ARB2A: variants seen among roughly 807,000 people sequenced by gnomAD.
ARB2A encodes cotranscriptional regulator ARB2A.
chr5:93,851,388 G>C, the ARB2A span, among the ~76,000 whole-genome samples: 1 of 152,070 alleles, frequency 6.6e-6, no homozygotes, highest in Non-Finnish European at 1.5e-5. Context: ...AATTTTGTTG[G>C]TTGAAATTTC....
At chr5:93,674,553 A>C in the ARB2A span, among the ~76,000 whole-genome samples, 3 of 152,232 alleles carry the variant, frequency 2.0e-5, no homozygotes, top group Admixed American at 2.0e-4. Context: ...ATATGTTCTC[A>C]CTTGTCCATG....
the ARB2A span, among the ~76,000 whole-genome samples, chr5:93,766,570 AAC>A: frequency 6.6e-6 from 1 of 152,160 alleles, no homozygotes; most frequent in Non-Finnish European, 1.5e-5. Flanking sequence ...GAGAAATAGG[AAC>A]ACTTTTACAC....
the ARB2A span, among the ~76,000 whole-genome samples, chr5:93,646,688 T>TA: frequency 7.8e-4 from 117 of 149,624 alleles, no homozygotes; most frequent in African/African-American, 2.4e-3. Flanking sequence ...AGATTCTCTT[T>TA]AAAAAAAAAA....
chr5:93,624,495 G>C, the ARB2A span, among the ~76,000 whole-genome samples: 1 of 152,084 alleles, frequency 6.6e-6, no homozygotes, highest in Non-Finnish European at 1.5e-5. Flanking sequence ...TGGCAGGCTT[G>C]GTCTAACTGG....
chr5:94,091,047 T>G, the ARB2A span, among the ~76,000 whole-genome samples: 1 of 152,208 alleles, frequency 6.6e-6, no homozygotes. Flanking sequence ...TATTAAGGGT[T>G]GACCTGACTG....
At chr5:94,085,127 C>T in the ARB2A span, among the ~76,000 whole-genome samples, 3 of 152,230 alleles carry the variant, frequency 2.0e-5, no homozygotes, top group African/African-American at 2.4e-5. Flanking sequence ...CCAAGTTATC[C>T]AGCAATCTCA....
the ARB2A span, among the ~76,000 whole-genome samples, chr5:94,085,011 C>T: frequency 1.3e-4 from 20 of 152,054 alleles, no homozygotes; most frequent in Admixed American, 3.3e-4. Flanking sequence ...TTAAGAAGTC[C>T]GACAATACCA....
chr5:93,675,413 A>C, the ARB2A span, among the ~76,000 whole-genome samples: 1 of 152,216 alleles, frequency 6.6e-6, no homozygotes, highest in African/African-American at 2.4e-5. Context: ...GTATCTACTA[A>C]GCTCACAGCA....
chr5:94,092,459 G>T, the ARB2A span, among the ~76,000 whole-genome samples: 1 of 152,026 alleles, frequency 6.6e-6, no homozygotes, highest in South Asian at 2.1e-4. Flanking sequence ...GACTATCTAG[G>T]ACTAACTCTA....
the ARB2A span, among the ~76,000 whole-genome samples, chr5:94,057,460 T>C: frequency 6.6e-6 from 1 of 152,136 alleles, no homozygotes; most frequent in African/African-American, 2.4e-5. Flanking sequence ...AGGAGATGGA[T>C]GGTGGTGATG....
the ARB2A span, among the ~76,000 whole-genome samples, chr5:94,053,920 C>G: frequency 4.0e-4 from 61 of 152,108 alleles, no homozygotes; most frequent in African/African-American, 1.4e-3. Context: ...AGGCGGGTGC[C>G]CCCATGCCAG....
At chr5:93,649,005 C>T in the ARB2A span, among the ~76,000 whole-genome samples, 1 of 152,034 alleles carries the variant, frequency 6.6e-6, no homozygotes, top group Non-Finnish European at 1.5e-5. Flanking sequence ...ACTGTTCTAC[C>T]TATGTTTGTT....
the ARB2A span, chr5:93,866,007 G>C: frequency 1.0e-6 from 1 of 985,288 alleles, no homozygotes; most frequent in Non-Finnish European, 1.2e-6. Flanking sequence ...GCAACTAAAA[G>C]TATAATTAAG....
chr5:93,824,468 T>C, the ARB2A span, among the ~76,000 whole-genome samples: 1 of 151,898 alleles, frequency 6.6e-6, no homozygotes, highest in Non-Finnish European at 1.5e-5. Context: ...TGTAAAAAAA[T>C]AGAATTAAAA....
the ARB2A span, among the ~76,000 whole-genome samples, chr5:94,092,730 C>T: frequency 6.6e-6 from 1 of 152,004 alleles, no homozygotes; most frequent in South Asian, 2.1e-4. Context: ...TTCACCATGC[C>T]TAGAAAACAG....
At chr5:94,075,649 A>G in the ARB2A span, among the ~76,000 whole-genome samples, 6 of 152,198 alleles carry the variant, frequency 3.9e-5, no homozygotes, top group Non-Finnish European at 8.8e-5. Context: ...TATTCCTCTG[A>G]GGAATCAAAT....
the ARB2A span, among the ~76,000 whole-genome samples, chr5:94,010,784 G>A: frequency 6.6e-6 from 1 of 151,776 alleles, no homozygotes; most frequent in South Asian, 2.1e-4. Flanking sequence ...TTAATGGTAG[G>A]TTTTTCTATT....
the ARB2A span, among the ~76,000 whole-genome samples, chr5:93,779,935 G>A: frequency 6.6e-6 from 1 of 151,996 alleles, no homozygotes; most frequent in Non-Finnish European, 1.5e-5. Context: ...TGAACCAAGG[G>A]TCAACAATAT....
the ARB2A span, among the ~76,000 whole-genome samples, chr5:93,647,146 C>T: frequency 7.9e-3 from 1,203 of 152,160 alleles, 17 homozygotes; most frequent in African/African-American, 0.027. Flanking sequence ...TTTACTCTAC[C>T]ATTTGTATTA....
Sources: allele counts gnomAD v4.1 joint callset (sites outside exome capture counted in the v4.1 genomes callset), GRCh38; gene constraint gnomAD v4.1.1; transcripts MANE v1.5; gene names NCBI Gene and HGNC (gene_info 2026-07-23, HGNC 2026-07-21).